Variants in OR51L1 observed in about 807,000 individuals in gnomAD.
OR51L1 encodes the protein olfactory receptor 51L1.
Under a neutral mutation model 1.4 loss-of-function variants are expected in OR51L1, and 1 was observed. The observed-to-expected ratio is 0.72, with a 90% CI of 0.26 to 3.42. The LOEUF (loss-of-function observed/expected upper bound fraction) is 3.42, where lower values mean the gene tolerates loss of function less well. Ranked by LOEUF, OR51L1 falls within the 30% of genes most tolerant of loss-of-function variation. The pLI, the probability that OR51L1 is intolerant of heterozygous loss-of-function variation, is 0.20. For synonymous variants in OR51L1, 156 were observed against 144.2 expected (o/e 1.08, Z -0.59); for missense variants, 378 against 380.0 (o/e 0.99, Z 0.04).
rs189079563 is a variant in OR51L1, at chr11:5,004,822, T to C, written c.*4892T>C. 206 of 152,352 alleles carry C rather than the reference T, an allele frequency of 1.4e-3. No homozygotes were observed. Among genetic ancestry groups the C allele is most frequent in the African/African-American group, 4.7e-3 (196 of 41,572 alleles). The allele number at this position is 152,352 out of a possible 1,614,324, so 9.4% of individuals were successfully genotyped here. A position where few individuals can be genotyped will look rare whatever the true frequency, so the allele number is the denominator to read the frequency against. The stretch of plus-strand genomic sequence containing the variant: ...TTTGAAAGTTGTAAGGCTTTCCTTT[T>C]GATATTTCTAAATACAACACATGTA... On this transcript the variant is annotated 3_prime_UTR_variant, in exon 3 of 3. Transcript: ENST00000641819.
chr11:4,998,583 C>T (rs964240395), intron 2 of OR51L1, among the ~76,000 whole-genome samples: 1 of 152,122 alleles, frequency 6.6e-6, no homozygotes, highest in Non-Finnish European at 1.5e-5. Context: ...AACTGATTAA[C>T]TCAAGAACAT....
intron 2 of OR51L1, among the ~76,000 whole-genome samples, chr11:4,998,571 A>AT (rs1347262855): frequency 6.6e-6 from 1 of 152,202 alleles, no homozygotes; most frequent in East Asian, 1.9e-4. Context: ...CCTAGAAGCA[A>AT]TAACTGATTA....
In OR51L1 at chr11:4,999,965, C is replaced by T. The variant is rs751714632; in HGVS notation, c.*35C>T. The stretch of plus-strand genomic sequence containing the variant: ...GTCCTCCAACTTTTCCACTGAAAAT[C>T]TCATGGAAGCTGTTTTAGTATATGA... On this transcript the variant is annotated 3_prime_UTR_variant, in exon 3 of 3. Coordinates refer to ENST00000641819, the MANE Select transcript of OR51L1 (RefSeq NM_001004755.2). The T allele has an allele frequency of 1.3e-6, 2 of 1,549,066 alleles. No individual in the cohort carries two copies. Among genetic ancestry groups the T allele is most frequent in the South Asian group, 2.5e-5 (2 of 80,542 alleles).
rs1847155874 is a variant in OR51L1, at chr11:5,004,170, A to G, written c.*4240A>G. The G allele has an allele frequency of 6.6e-6, 1 of 152,208 alleles. No individual in the cohort carries two copies. The highest frequency in any genetic ancestry group is 2.1e-4 in the South Asian group (1 of 4,828). The allele number at this position is 152,208 out of a possible 1,614,324, so 9.4% of individuals were successfully genotyped here. A position where few individuals can be genotyped will look rare whatever the true frequency, so the allele number is the denominator to read the frequency against. On this transcript the variant is annotated 3_prime_UTR_variant, in exon 3 of 3. Transcript: ENST00000641819. Reference sequence around the variant, plus strand: ...GCCCGAGGTTGAAACTTCATTTGAGAATGCATAGTCTTAGCATCCTGGATG... The same window carrying G: ...GCCCGAGGTTGAAACTTCATTTGAGGATGCATAGTCTTAGCATCCTGGATG...
At chr11:4,996,733 CT>C (rs1554896498) in intron 1 of OR51L1, among the ~76,000 whole-genome samples, 2 of 126,876 alleles carry the variant, frequency 1.6e-5, no homozygotes, top group African/African-American at 5.9e-5. Flanking sequence ...TTCTTTCTTT[CT>C]TTCTTTCTTT....
In OR51L1 at chr11:5,003,113, A is replaced by T. The variant is rs1044233483; in HGVS notation, c.*3183A>T. ...TTCGAGCAGGAGTGGAAGTTTATTT[A>T]AAAATGCTTTAGAAGAGGAAAAAAG... On this transcript the variant is annotated 3_prime_UTR_variant, in exon 3 of 3. Transcript: ENST00000641819. 2.0e-5 allele frequency: 3 copies of T among 152,246 alleles called. No homozygotes were observed. Among genetic ancestry groups the T allele is most frequent in the African/African-American group, 7.2e-5 (3 of 41,454 alleles). 9.4% of individuals were successfully genotyped at this position (152,246 alleles called of 1,614,324 possible). A position where few individuals can be genotyped will look rare whatever the true frequency, so the allele number is the denominator to read the frequency against.
Position 5,002,220 on chromosome 11 carries a change from T to G in OR51L1, c.*2290T>G, listed in dbSNP as rs1847137691. 6.6e-6 allele frequency: 1 copy of G among 152,226 alleles called. No homozygotes were observed. Among genetic ancestry groups the G allele is most frequent in the Non-Finnish European group, 1.5e-5 (1 of 68,044 alleles). The allele number at this position is 152,226 out of a possible 1,614,324, so 9.4% of individuals were successfully genotyped here. A position where few individuals can be genotyped will look rare whatever the true frequency, so the allele number is the denominator to read the frequency against. ...TGAAATTGGTTATGATGGAAGTATT[T>G]AAACCACAGAAATTGGTAAACATTA... On this transcript the variant is annotated 3_prime_UTR_variant, in exon 3 of 3. Transcript: ENST00000641819.
At chr11:4,996,694 TTTCTTTTC>T (rs1564822163) in intron 1 of OR51L1, among the ~76,000 whole-genome samples, 1 of 132,154 alleles carries the variant, frequency 7.6e-6, no homozygotes, top group African/African-American at 2.9e-5. Context: ...TTTCTTTTTC[TTTCTTTTC>T]CTTCCTTCCT....
chr11:5,001,571 A>G lies in OR51L1; in HGVS notation c.*1641A>G, dbSNP rs925343745. ...TAATAATACTTTTACCTCTTGTTCTACATGCCTGTGTGGATCTGTAGTATT... is the reference window on the plus strand; with the variant it reads ...TAATAATACTTTTACCTCTTGTTCTGCATGCCTGTGTGGATCTGTAGTATT... On this transcript the variant is annotated 3_prime_UTR_variant, in exon 3 of 3. Coordinates refer to ENST00000641819, the MANE Select transcript of OR51L1 (RefSeq NM_001004755.2). 6.6e-6 allele frequency: 1 copy of G among 152,226 alleles called. No individual in the cohort carries two copies. Among genetic ancestry groups the G allele is most frequent in the South Asian group, 2.1e-4 (1 of 4,830 alleles). The allele number at this position is 152,226 out of a possible 1,614,324, so 9.4% of individuals were successfully genotyped here. A position where few individuals can be genotyped will look rare whatever the true frequency, so the allele number is the denominator to read the frequency against.
chr11:4,995,904 A>C (rs377719693), intron 1 of OR51L1, among the ~76,000 whole-genome samples: 1 of 152,224 alleles, frequency 6.6e-6, no homozygotes, highest in African/African-American at 2.4e-5. Context: ...GAAAGTACAC[A>C]CAGAAATAGA....
chr11:4,997,066 C>G (rs1301907925), intron 1 of OR51L1, among the ~76,000 whole-genome samples: 2 of 152,024 alleles, frequency 1.3e-5, no homozygotes, highest in African/African-American at 4.8e-5. Context: ...AGACGAGGGT[C>G]TCAAATGAAA....
Position 4,999,867 on chromosome 11 carries a change from T to G in OR51L1, c.885T>G (p.Ser295Arg), listed in dbSNP as rs747208928. The change falls in exon 3 of 3, where the codon AGT (serine) becomes AGG (arginine). Residue 295 changes from serine to arginine, a missense_variant. Ser to Arg is a moderately radical substitution (Grantham distance 110). Transcript: ENST00000641819. ...LPPVLNPIVYSVRTKQIRLGI... is the reference protein window; with the variant it reads ...LPPVLNPIVYRVRTKQIRLGI... ...CAGTCCTTAACCCTATTGTCTATAG[T>G]GTCAGAACAAAGCAGATTCGTCTAG... The G allele has an allele frequency of 3.1e-6, 5 of 1,613,862 alleles. No homozygotes were observed. The East Asian group carries it at 1.1e-4, about 36-fold the overall frequency.
rs1484755824 is a variant in OR51L1, at chr11:4,999,875, CA to C, written c.896del (p.Lys299SerfsTer5). ...AACCCTATTGTCTATAGTGTCAGAA[CA>C]AAGCAGATTCGTCTAGGAATTCTCC... ...VLNPIVYSVR[T>X]KQIRLGILHK... On this transcript the variant is annotated frameshift_variant, in exon 3 of 3. Coordinates refer to ENST00000641819, the MANE Select transcript of OR51L1 (RefSeq NM_001004755.2). LOFTEE classifies it high-confidence loss of function. 4 of 1,613,690 alleles carry C rather than the reference CA, an allele frequency of 2.5e-6. No individual in the cohort carries two copies. The East Asian group carries it at 6.7e-5, about 27-fold the overall frequency.
chr11:5,000,941 C>G lies in OR51L1; in HGVS notation c.*1011C>G, dbSNP rs1006436223. 1 of 152,388 alleles carries G rather than the reference C, an allele frequency of 6.6e-6. No individual in the cohort carries two copies. The highest frequency in any genetic ancestry group is 2.4e-5 in the African/African-American group (1 of 41,436). 9.4% of individuals were successfully genotyped at this position (152,388 alleles called of 1,614,324 possible). ...CTTTCTTTTTCTTTTGAGACTGAGT[C>G]TTGCTCTGTCACCCAGGTGGAAGTG... is the stretch of plus-strand genomic sequence containing the variant. On this transcript the variant is annotated 3_prime_UTR_variant, in exon 3 of 3. Transcript: ENST00000641819.
Position 5,000,178 on chromosome 11 carries a change from T to C in OR51L1, c.*248T>C. 1 of 356,978 alleles carries C rather than the reference T, an allele frequency of 2.8e-6. No individual in the cohort carries two copies. Among genetic ancestry groups the C allele is most frequent in the South Asian group, 9.3e-5 (1 of 10,742 alleles). The allele number at this position is 356,978 out of a possible 1,614,324, so 22.1% of individuals were successfully genotyped here. ...TATAATAGAAAATGTATGTGCTAAG[T>C]CAAGTTTTTTGAAAACTATACAAAA... On this transcript the variant is annotated 3_prime_UTR_variant, in exon 3 of 3. Transcript: ENST00000641819.
chr11:4,999,291 G>A lies in OR51L1; in HGVS notation c.309G>A (p.Leu103=), dbSNP rs1488893359. ...EIQASACYAQ[L]FFIHTFTFLE... is the part of the protein sequence containing the mutation. The stretch of plus-strand genomic sequence containing the variant: ...AGGCAAGTGCTTGCTATGCTCAGCT[G>A]TTCTTCATCCACACATTCACATTCC... Residue 103 remains leucine (L), a synonymous_variant, in exon 3 of 3, where the codon CTG becomes CTA. Coordinates refer to ENST00000641819, the MANE Select transcript of OR51L1 (RefSeq NM_001004755.2). 6.2e-7 allele frequency: 1 copy of A among 1,614,178 alleles called. No individual in the cohort carries two copies. Among genetic ancestry groups the A allele is most frequent in the Middle Eastern group, 1.6e-4 (1 of 6,062 alleles).
rs556605802 is a variant in OR51L1 at position 5,000,053 on chromosome 11, T to C, written c.*123T>C. On this transcript the variant is annotated 3_prime_UTR_variant, in exon 3 of 3. Coordinates refer to ENST00000641819, the MANE Select transcript of OR51L1 (RefSeq NM_001004755.2). ...TCCTAATTCTTTCACTTCTTATACA[T>C]GTAATTTCAGTTAATCTTTAACCAA... is the stretch of plus-strand genomic sequence containing the variant. 2 of 1,012,558 alleles carry C rather than the reference T, an allele frequency of 2.0e-6. No individual in the cohort carries two copies. The highest frequency in any genetic ancestry group is 2.0e-5 in the South Asian group (1 of 50,978). 62.7% of individuals were successfully genotyped at this position (1,012,558 alleles called of 1,614,324 possible).
Position 5,003,894 on chromosome 11 carries a change from T to C in OR51L1, c.*3964T>C, listed in dbSNP as rs772763686. On this transcript the variant is annotated 3_prime_UTR_variant, in exon 3 of 3. Coordinates refer to ENST00000641819, the MANE Select transcript of OR51L1 (RefSeq NM_001004755.2). ...CTTAATTTTAATTAAGTCCAACTTA[T>C]AAATTTGCTTTTATGTTTAGTGCTT... 1.3e-5 allele frequency: 2 copies of C among 152,200 alleles called. No homozygotes were observed. The highest frequency in any genetic ancestry group is 2.9e-5 in the Non-Finnish European group (2 of 68,034). The allele number at this position is 152,200 out of a possible 1,614,324, so 9.4% of individuals were successfully genotyped here. A position where few individuals can be genotyped will look rare whatever the true frequency, so the allele number is the denominator to read the frequency against.
In OR51L1 at chr11:4,999,880, C is replaced by A. The variant is rs1370783137; in HGVS notation, c.898C>A (p.Gln300Lys). ...NPIVYSVRTKQIRLGILHKFV... is the reference protein window; with the variant it reads ...NPIVYSVRTKKIRLGILHKFV... The stretch of plus-strand genomic sequence containing the variant: ...TATTGTCTATAGTGTCAGAACAAAG[C>A]AGATTCGTCTAGGAATTCTCCACAA... The change falls in exon 3 of 3, where the codon CAG becomes AAG. Residue 300 changes from glutamine (Q) to lysine (K), a missense_variant. Coordinates refer to ENST00000641819, the MANE Select transcript of OR51L1 (RefSeq NM_001004755.2). 1 of 1,613,606 alleles carries A rather than the reference C, an allele frequency of 6.2e-7. No individual in the cohort carries two copies. The highest frequency in any genetic ancestry group is 1.3e-5 in the African/African-American group (1 of 75,058).
Sources: allele counts gnomAD v4.1 joint callset (sites outside exome capture counted in the v4.1 genomes callset), GRCh38; gene constraint gnomAD v4.1.1; transcripts MANE v1.5; gene names NCBI Gene and HGNC (gene_info 2026-07-23, HGNC 2026-07-21).